TACC2: variants seen among roughly 807,000 people sequenced by gnomAD.
TACC2 encodes the protein transforming acidic coiled-coil containing protein 2, also known as transforming acidic coiled-coil-containing protein 2.
Under a neutral mutation model 227.3 loss-of-function variants are expected in TACC2, and 137 were observed. The ratio of observed to expected loss-of-function variants is 0.60; its 90% CI spans 0.52 to 0.69. The LOEUF (loss-of-function observed/expected upper bound fraction) is 0.69, where lower values mean the gene tolerates loss of function less well. TACC2 is among the 30% of genes least tolerant of loss of function. The pLI is 0.00. For synonymous variants in TACC2, 1,523 were observed against 1,487.5 expected (o/e 1.02, Z -0.55); for missense variants, 3,470 against 3,694.4 (o/e 0.94, Z 1.57).
In TACC2 at chr10:122,150,445, G is replaced by A. The variant is rs541254183; in HGVS notation, c.5834+6739G>A. On this transcript the variant is annotated intron_variant, in intron 7 of 22. Transcript: ENST00000369005. This position sits in a 1 kb window ranked among gnomAD's most constrained non-coding sequence, Gnocchi z 4.0. ...CTCCTCCCCGAGCACGGCTGCCCAGGGACGGCCCTCGGCTTCCACTTGATG... is the reference window on the plus strand; with the variant it reads ...CTCCTCCCCGAGCACGGCTGCCCAGAGACGGCCCTCGGCTTCCACTTGATG... Among the ~76,000 whole-genome samples, 1 of 152,330 alleles carries A rather than the reference G, an allele frequency of 6.6e-6. No homozygotes were observed. Among genetic ancestry groups the A allele is most frequent in the East Asian group, 1.9e-4 (1 of 5,174 alleles).
chr10:122,139,284 C>T (rs1007432255), intron 6 of TACC2, among the ~76,000 whole-genome samples: 12 of 152,348 alleles, frequency 7.9e-5, no homozygotes, highest in African/African-American at 2.9e-4. Flanking sequence ...GCGCAGGAGC[C>T]CAGCGCCCGC....
At chr10:122,214,896 G>A (rs1053597869) in intron 9 of TACC2, among the ~76,000 whole-genome samples, 1 of 152,118 alleles carries the variant, frequency 6.6e-6, no homozygotes, top group Non-Finnish European at 1.5e-5. Context: ...GTGATAGGGA[G>A]GATTCAGGAG....
intron 5 of TACC2, among the ~76,000 whole-genome samples, chr10:122,098,537 G>A (rs1009394150): frequency 1.3e-5 from 2 of 152,124 alleles, no homozygotes; most frequent in Non-Finnish European, 2.9e-5. Flanking sequence ...AAGTTCCTTA[G>A]CCACCCTAAG....
chr10:121,996,202 C>T (rs1249864932), intron 1 of TACC2, among the ~76,000 whole-genome samples: 1 of 152,080 alleles, frequency 6.6e-6, no homozygotes, highest in Non-Finnish European at 1.5e-5. Flanking sequence ...CACAGGCACG[C>T]ACCACCACAC....
chr10:122,008,490 C>T (rs1326067639), intron 1 of TACC2, among the ~76,000 whole-genome samples: 1 of 151,960 alleles, frequency 6.6e-6, no homozygotes, highest in Admixed American at 6.6e-5. Flanking sequence ...GAACTCCCGA[C>T]CTCAGGTGAT....
At chr10:122,049,183 C>A (rs2075389462) in intron 2 of TACC2, among the ~76,000 whole-genome samples, 1 of 152,216 alleles carries the variant, frequency 6.6e-6, no homozygotes, top group Admixed American at 6.5e-5. Context: ...GTGAAAAGGG[C>A]AATGCATGCG....
intron 3 of TACC2, among the ~76,000 whole-genome samples, chr10:122,064,005 T>G (rs2077125390): frequency 6.6e-6 from 1 of 151,770 alleles, no homozygotes; most frequent in South Asian, 2.1e-4. Flanking sequence ...CTACTAAAAA[T>G]ACAAAAATTA....
intron 7 of TACC2, among the ~76,000 whole-genome samples, chr10:122,165,257 C>T (rs2093087260): frequency 6.6e-6 from 1 of 152,160 alleles, no homozygotes. Flanking sequence ...CAACTCGAGT[C>T]TAGGCAGAAA....
intron 7 of TACC2, chr10:122,163,537 T>C (rs1208338599): frequency 2.0e-6 from 2 of 985,026 alleles, no homozygotes. Context: ...GATGCAGGCG[T>C]TGGGGCTGCT....
At chr10:122,164,050 G>T in intron 7 of TACC2, 1 of 1,545,630 alleles carries the variant, frequency 6.5e-7, no homozygotes, top group Non-Finnish European at 8.7e-7. Context: ...GGATGCCCGG[G>T]CTTTGTTAGT....
At chr10:122,136,337 C>T (rs1264656030) in intron 6 of TACC2, among the ~76,000 whole-genome samples, 1 of 152,066 alleles carries the variant, frequency 6.6e-6, no homozygotes, top group Non-Finnish European at 1.5e-5. Context: ...CCCGCCACCC[C>T]ATCCACCTGC....
chr10:122,038,998 C>T lies in TACC2; in HGVS notation c.34-11440C>T, dbSNP rs182736334. 7.2e-5 allele frequency among the ~76,000 whole-genome samples: 11 copies of T among 152,202 alleles called. No homozygotes were observed. In the East Asian group the frequency reaches 7.8e-4, roughly 11 times the overall value. ...GCTTTTTTTCTGTTTTGTTTTGAGA[C>T]GGAGTCTCACTCTGTCAGCCAGGCT... On this transcript the variant is annotated intron_variant, in intron 2 of 22. Transcript: ENST00000369005.
At chr10:122,059,759 G>A (rs2076594781) in intron 3 of TACC2, among the ~76,000 whole-genome samples, 1 of 152,146 alleles carries the variant, frequency 6.6e-6, no homozygotes, top group African/African-American at 2.4e-5. Context: ...GCTCTGAAAG[G>A]TACCCAGCAG....
chr10:122,128,823 C>T (rs1393617806), intron 5 of TACC2, among the ~76,000 whole-genome samples: 4 of 152,022 alleles, frequency 2.6e-5, no homozygotes, highest in Non-Finnish European at 5.9e-5. Context: ...CCGTTAACAC[C>T]TTGGCAATAC....
At chr10:122,054,865 G>GGA (rs1392383937) in intron 3 of TACC2, among the ~76,000 whole-genome samples, 1 of 152,142 alleles carries the variant, frequency 6.6e-6, no homozygotes, top group Non-Finnish European at 1.5e-5. Context: ...TGAACACAAG[G>GGA]GAGAGAGCGC....
intron 1 of TACC2, among the ~76,000 whole-genome samples, chr10:122,011,315 T>TTTTG (rs934410041): frequency 6.6e-6 from 1 of 152,070 alleles, no homozygotes; most frequent in Non-Finnish European, 1.5e-5. Flanking sequence ...CTCTTATGTT[T>TTTTG]TTTGTTTGTT....
At chr10:122,027,148 C>T (rs1958135981) in intron 2 of TACC2, among the ~76,000 whole-genome samples, 1 of 152,104 alleles carries the variant, frequency 6.6e-6, no homozygotes. Context: ...GATTTTGGGT[C>T]ATTCTGATAG....
At chr10:122,161,588 C>G (rs529668578) in intron 7 of TACC2, among the ~76,000 whole-genome samples, 1 of 152,256 alleles carries the variant, frequency 6.6e-6, no homozygotes, top group Non-Finnish European at 1.5e-5. Context: ...GATTTGAACT[C>G]GAGTCTCATT....
Position 122,210,362 on chromosome 10 carries a change from G to A in TACC2, c.5972-35G>A. The A allele has an allele frequency of 1.3e-6, 2 of 1,543,208 alleles. No individual in the cohort carries two copies. Among genetic ancestry groups the A allele is most frequent in the South Asian group, 1.1e-5 (1 of 89,592 alleles). On this transcript the variant is annotated intron_variant, in intron 8 of 22. Transcript: ENST00000369005. The surrounding 1 kb of genome is among the most constrained non-coding windows in gnomAD (Gnocchi z 4.6). ...GGAGAGGTGCCCCAATGCGTCCTGTGTCTGTAATTGATGGCGTTGTCTGTG... is the reference window on the plus strand; with the variant it reads ...GGAGAGGTGCCCCAATGCGTCCTGTATCTGTAATTGATGGCGTTGTCTGTG...
Sources: allele counts gnomAD v4.1 joint callset (sites outside exome capture counted in the v4.1 genomes callset), GRCh38; gene constraint gnomAD v4.1.1; non-coding constraint Gnocchi (gnomAD v3.1); transcripts MANE v1.5; gene names NCBI Gene and HGNC (gene_info 2026-07-23, HGNC 2026-07-21).